ABCA8: variants seen among roughly 807,000 people sequenced by gnomAD.
ABCA8 encodes the protein ATP binding cassette subfamily A member 8.
Under a neutral mutation model 192.3 loss-of-function variants are expected in ABCA8, and 177 were observed. The observed-to-expected ratio is 0.92, with a 90% CI of 0.81 to 1.04. ABCA8 has a LOEUF of 1.04. Ranked by LOEUF, ABCA8 falls within the 50% of genes least tolerant of loss-of-function variation. ABCA8 has a pLI of 0.00. For synonymous variants in ABCA8, 642 were observed against 690.2 expected, an observed-to-expected ratio of 0.93 and a Z score of 1.09; for missense variants, 1,915 against 1,904.8, an observed-to-expected ratio of 1.01 and a Z score of -0.10.
intron 37 of ABCA8, among the ~76,000 whole-genome samples, chr17:68,872,484 G>A (rs1235493791): frequency 2.0e-5 from 3 of 149,772 alleles, no homozygotes; most frequent in African/African-American, 4.9e-5. Context: ...GCTAGATGAC[G>A]AGTTAGTGGG....
At chr17:68,932,689 T>C (rs3744499) in intron 6 of ABCA8, among the ~76,000 whole-genome samples, 175 bp from the exon 7 acceptor site, 93,316 of 152,026 alleles carry the variant, frequency 0.61, 29,892 homozygotes, top group African/African-American at 0.79. Flanking sequence ...TCCAGGCATT[T>C]TGAGTTACTC....
chr17:68,876,170 G>A lies in ABCA8; in HGVS notation c.4370+290C>T, dbSNP rs371967367. The A allele has an allele frequency of 1.8e-4, 93 of 503,262 alleles. 1 individual carries two copies. Among genetic ancestry groups the A allele is most frequent in the African/African-American group, 1.2e-3 (63 of 52,104 alleles). The allele number at this position is 503,262 out of a possible 1,614,324, so 31.2% of individuals were successfully genotyped here. A position where few individuals can be genotyped will look rare whatever the true frequency, so the allele number is the denominator to read the frequency against. Reference sequence around the variant, plus strand: ...TCTCATGCTAAGTATGGAACACTACGTGATTGTGATCTAGAAATGCACCTA... The same window carrying A: ...TCTCATGCTAAGTATGGAACACTACATGATTGTGATCTAGAAATGCACCTA... On this transcript the variant is annotated intron_variant, in intron 35 of 39. Transcript: ENST00000586539.
intron 21 of ABCA8, among the ~76,000 whole-genome samples, chr17:68,898,246 G>A (rs557135782): frequency 3.9e-5 from 6 of 152,200 alleles, no homozygotes; most frequent in Non-Finnish European, 7.4e-5. Context: ...AGATGAAGGT[G>A]GTAATAGGTA....
At chr17:68,921,665 G>T (rs1038398516) in intron 12 of ABCA8, among the ~76,000 whole-genome samples, 173 bp from the exon 13 acceptor site, 9 of 152,064 alleles carry the variant, frequency 5.9e-5, no homozygotes, top group Non-Finnish European at 1.3e-4. Context: ...AACATTAAAA[G>T]TTCCCTCTAT....
intron 27 of ABCA8, chr17:68,884,969 C>T (rs2066422948): frequency 1.2e-5 from 8 of 653,076 alleles, no homozygotes; most frequent in Non-Finnish European, 1.5e-5. Flanking sequence ...CTGTTTCCCA[C>T]TACCCCTTAC....
intron 37 of ABCA8, among the ~76,000 whole-genome samples, chr17:68,870,305 T>C (rs2143184058): frequency 6.6e-6 from 1 of 152,336 alleles, no homozygotes; most frequent in Admixed American, 6.5e-5. Flanking sequence ...GACTGATCAC[T>C]GTGGACTTAG....
At chr17:68,952,319 T>C (rs113793803) in intron 1 of ABCA8, among the ~76,000 whole-genome samples, 2 of 151,918 alleles carry the variant, frequency 1.3e-5, no homozygotes, top group African/African-American at 2.4e-5. Flanking sequence ...CCTGGGTTCA[T>C]GCCATTCTCC....
intron 30 of ABCA8, 129 bp from the exon 31 acceptor site, chr17:68,882,109 G>A: frequency 1.3e-6 from 1 of 751,138 alleles, no homozygotes; most frequent in Non-Finnish European, 2.2e-6. Flanking sequence ...CTTCTATTTG[G>A]TGACATGCTC....
At chr17:68,940,051 T>C (rs1598289282) in intron 4 of ABCA8, among the ~76,000 whole-genome samples, 1 of 152,288 alleles carries the variant, frequency 6.6e-6, no homozygotes, top group East Asian at 1.9e-4. Context: ...ACTCTAAGTC[T>C]AGTTCTCTTG....
At chr17:68,924,600 G>T in intron 11 of ABCA8, 101 bp downstream of exon 11, 1 of 1,313,888 alleles carries the variant, frequency 7.6e-7, no homozygotes, top group Non-Finnish European at 1.0e-6. Context: ...GAGGACAGGT[G>T]GGAACTGTCT....
At chr17:68,898,502 T>G (rs2066825003) in intron 21 of ABCA8, among the ~76,000 whole-genome samples, 1 of 152,130 alleles carries the variant, frequency 6.6e-6, no homozygotes, top group Non-Finnish European at 1.5e-5. Flanking sequence ...AGATGGCAAT[T>G]TGAATCCAAG....
chr17:68,910,208 T>C (rs2067198261), intron 17 of ABCA8, among the ~76,000 whole-genome samples: 1 of 152,116 alleles, frequency 6.6e-6, no homozygotes, highest in Non-Finnish European at 1.5e-5. Context: ...TAACATCATA[T>C]AAGGAAAGAA....
At chr17:68,950,547 AT>A (rs759823036) in intron 1 of ABCA8, among the ~76,000 whole-genome samples, 31 of 152,100 alleles carry the variant, frequency 2.0e-4, no homozygotes, top group Non-Finnish European at 2.2e-4. Context: ...GCTTCTTTTT[AT>A]TTTTATTCAT....
At chr17:68,884,670 T>C in intron 27 of ABCA8, 1 of 1,142,848 alleles carries the variant, frequency 8.8e-7, no homozygotes, top group African/African-American at 1.6e-5. Flanking sequence ...AGACAGTGTT[T>C]ATTCTTCTCA....
rs184147578 is a variant in ABCA8, at chr17:68,867,804, C to T, written c.*281G>A. The T allele has an allele frequency of 4.1e-4, 94 of 230,680 alleles. 1 individual carries two copies. Among genetic ancestry groups the T allele is most frequent in the African/African-American group, 1.9e-3 (84 of 44,442 alleles). 14.3% of individuals were successfully genotyped at this position (230,680 alleles called of 1,614,324 possible). A position where few individuals can be genotyped will look rare whatever the true frequency, so the allele number is the denominator to read the frequency against. On this transcript the variant is annotated 3_prime_UTR_variant, in exon 40 of 40. Coordinates refer to ENST00000586539, the MANE Select transcript of ABCA8 (RefSeq NM_001288985.2). ...TGTTTATCTTATCTAGAAACTTATACGATCATGTAAAAGTAAATTTATTTA... is the reference window on the plus strand; with the variant it reads ...TGTTTATCTTATCTAGAAACTTATATGATCATGTAAAAGTAAATTTATTTA...
At chr17:68,941,405 T>C (rs758989193) in intron 3 of ABCA8, among the ~76,000 whole-genome samples, 3 of 152,182 alleles carry the variant, frequency 2.0e-5, no homozygotes, top group Non-Finnish European at 2.9e-5. Flanking sequence ...CCTAGCTATA[T>C]CGATCTGATT....
chr17:68,880,559 T>C (rs2066311805), intron 32 of ABCA8, among the ~76,000 whole-genome samples: 1 of 152,112 alleles, frequency 6.6e-6, no homozygotes, highest in African/African-American at 2.4e-5. Flanking sequence ...TGACATCCTT[T>C]TTAGGGCTCT....
chr17:68,892,727 C>T (rs965132807), intron 23 of ABCA8, among the ~76,000 whole-genome samples: 5 of 152,030 alleles, frequency 3.3e-5, no homozygotes, highest in Admixed American at 1.3e-4. Flanking sequence ...TTGGTGGGTC[C>T]CTAAAATCAT....
At chr17:68,888,710 T>C (rs966582388) in intron 24 of ABCA8, among the ~76,000 whole-genome samples, 1 of 152,206 alleles carries the variant, frequency 6.6e-6, no homozygotes, top group African/African-American at 2.4e-5. Flanking sequence ...CTGTGTTGCC[T>C]ACTGTGGAAA....
Sources: gnomAD v4.1 joint callset for allele counts (sites outside exome capture counted in the v4.1 genomes callset) on GRCh38, gnomAD v4.1.1 for gene constraint, MANE v1.5 for transcripts, NCBI Gene and HGNC (gene_info 2026-07-23, HGNC 2026-07-21) for gene names.